The following DOCK1 variants were observed in gnomAD, a reference collection of about 807,000 sequenced individuals.
DOCK1 encodes the protein dedicator of cytokinesis 1, also known as dedicator of cytokinesis protein 1.
In DOCK1, 138 loss-of-function variants were observed where a neutral mutation model predicts 262.7. The observed-to-expected ratio is 0.53, with a 90% CI of 0.46 to 0.61. DOCK1 has a LOEUF of 0.61. Ranked by LOEUF, DOCK1 falls within the 20% of genes least tolerant of loss-of-function variation. DOCK1 has a pLI of 0.00. For missense variants in DOCK1, 1,908 were observed against 2,370.7 expected (o/e 0.80, Z 4.05); for synonymous variants, 866 against 867.4 (o/e 1.00, Z 0.03).
rs189763967 is a variant in DOCK1, at chr10:127,296,652, C to T, written c.3044+39223C>T. Among the ~76,000 whole-genome samples the T allele has an allele frequency of 9.8e-4, 150 of 152,336 alleles. 1 individual carries two copies. The highest frequency in any genetic ancestry group is 3.4e-3 in the African/African-American group (140 of 41,572). On this transcript the variant is annotated intron_variant, in intron 29 of 51. Coordinates refer to ENST00000623213, the MANE Select transcript of DOCK1 (RefSeq NM_001290223.2). ...AGTGTGTTTGCTTCTCTGTCTGCCT[C>T]AGGGCTGAGCTTCTAAACATACCTG...
At chr10:127,061,012 T>C (rs964936548) in intron 22 of DOCK1, among the ~76,000 whole-genome samples, 1 of 152,192 alleles carries the variant, frequency 6.6e-6, no homozygotes, top group Admixed American at 6.5e-5. Context: ...GTGGATCACC[T>C]TAGGTCAGGA....
intron 1 of DOCK1, among the ~76,000 whole-genome samples, chr10:126,917,292 A>G (rs1291796753): frequency 6.6e-6 from 1 of 152,130 alleles, no homozygotes; most frequent in Non-Finnish European, 1.5e-5. Flanking sequence ...TGGGTTTGGG[A>G]ACTTTGTGGG....
intron 43 of DOCK1, among the ~76,000 whole-genome samples, chr10:127,414,773 A>C (rs2068061352): frequency 6.6e-6 from 1 of 152,222 alleles, no homozygotes; most frequent in African/African-American, 2.4e-5. Context: ...GTTTCTTATG[A>C]ACACTGTAGC....
intron 27 of DOCK1, among the ~76,000 whole-genome samples, chr10:127,181,111 CT>C (rs2055690811): frequency 6.6e-6 from 1 of 152,086 alleles, no homozygotes; most frequent in African/African-American, 2.4e-5. Context: ...CAAAGGTCAT[CT>C]TTTATTGTTT....
intron 1 of DOCK1, among the ~76,000 whole-genome samples, chr10:126,929,291 C>T (rs1017447359): frequency 1.3e-5 from 2 of 152,186 alleles, no homozygotes; most frequent in African/African-American, 4.8e-5. Context: ...GGTGTGCTCA[C>T]CTGTAAACTG....
intron 1 of DOCK1, among the ~76,000 whole-genome samples, chr10:126,970,400 A>C (rs569162058): frequency 6.6e-6 from 1 of 152,216 alleles, no homozygotes; most frequent in African/African-American, 2.4e-5. Flanking sequence ...ATAAAAATCT[A>C]TTAGTGGAAA....
At chr10:127,277,217 A>G (rs936176629) in intron 29 of DOCK1, among the ~76,000 whole-genome samples, 5 of 150,678 alleles carry the variant, frequency 3.3e-5, no homozygotes, top group African/African-American at 1.2e-4. Flanking sequence ...GAAGCATTTT[A>G]TCCTATACAA....
Position 127,330,407 on chromosome 10 carries a change from A to AG in DOCK1, c.3045-8598dup, listed in dbSNP as rs1345190632. 1.1e-3 allele frequency among the ~76,000 whole-genome samples: 169 copies of AG among 149,056 alleles called. 2 individuals are homozygous for AG. The highest frequency in any genetic ancestry group is 4.2e-3 in the African/African-American group (162 of 38,646). On this transcript the variant is annotated intron_variant, in intron 29 of 51. Coordinates refer to ENST00000623213, the MANE Select transcript of DOCK1 (RefSeq NM_001290223.2). ...TCACACCGATTAGGATGGCTACATCAGAAAAAAAAAAAAACAGGGAAATAA... is the reference window on the plus strand; with the variant it reads ...TCACACCGATTAGGATGGCTACATCAGGAAAAAAAAAAAAACAGGGAAATAA...
chr10:127,287,880 C>T (rs1286387153), intron 29 of DOCK1, among the ~76,000 whole-genome samples: 1 of 152,144 alleles, frequency 6.6e-6, no homozygotes, highest in African/African-American at 2.4e-5. Flanking sequence ...TGATCATTGA[C>T]TAGACCCATT....
At chr10:126,946,776 A>T (rs1483558494) in intron 1 of DOCK1, among the ~76,000 whole-genome samples, 1 of 152,184 alleles carries the variant, frequency 6.6e-6, no homozygotes, top group Non-Finnish European at 1.5e-5. Context: ...ATTTCACTGT[A>T]TGCATTAGCC....
rs768714380 is a variant in DOCK1, at chr10:127,026,373, G to A, written c.1573G>A (p.Val525Ile). The stretch of plus-strand genomic sequence containing the variant: ...GAAGGTGGCCATTCCCATCGAGGAC[G>A]TTAACCGCAGTCACCTTCGGTTTAC... The part of the protein sequence containing the change: ...TVKVAIPIED[V>I]NRSHLRFTFR... Residue 525 changes from valine (V) to isoleucine (I), a missense_variant, in exon 16 of 52, where the codon GTT becomes ATT. By Grantham distance (29) the Val-to-Ile change is conservative (BLOSUM62 3). This residue lies in a region of DOCK1 where 294 missense variants were observed against 439.9 expected (regional missense o/e 0.67). Coordinates refer to ENST00000623213, the MANE Select transcript of DOCK1 (RefSeq NM_001290223.2). The A allele has an allele frequency of 6.4e-6, 10 of 1,572,982 alleles. No homozygotes were observed. The highest frequency in any genetic ancestry group is 2.3e-5 in the South Asian group (2 of 85,360).
In DOCK1 at chr10:127,175,697, C is replaced by A. The variant is rs201163273; in HGVS notation, c.2847+47933C>A. On this transcript the variant is annotated intron_variant, in intron 27 of 51. Coordinates refer to ENST00000623213, the MANE Select transcript of DOCK1 (RefSeq NM_001290223.2). This position sits in a 1 kb window ranked among gnomAD's most constrained non-coding sequence, Gnocchi z 6.3. ...GAGCGGGCTCCTCGGAGTTTGGCCT[C>A]CCCCGGTCCTGCTTGGCCCTCCCGA... 1 of 1,613,624 alleles carries A rather than the reference C, an allele frequency of 6.2e-7. No individual in the cohort carries two copies. Among genetic ancestry groups the A allele is most frequent in the African/African-American group, 1.3e-5 (1 of 74,904 alleles).
intron 27 of DOCK1, among the ~76,000 whole-genome samples, chr10:127,168,219 T>C (rs1174813379): frequency 6.6e-6 from 1 of 152,168 alleles, no homozygotes; most frequent in Non-Finnish European, 1.5e-5. Flanking sequence ...AAGAACCAAG[T>C]GCATGGGAGG....
At chr10:127,185,520 A>T (rs917419603) in intron 27 of DOCK1, among the ~76,000 whole-genome samples, 1 of 152,212 alleles carries the variant, frequency 6.6e-6, no homozygotes, top group African/African-American at 2.4e-5. Flanking sequence ...AACACTATAC[A>T]TCACAGTATC....
intron 29 of DOCK1, among the ~76,000 whole-genome samples, chr10:127,274,772 T>C (rs1432913016): frequency 6.6e-6 from 1 of 152,212 alleles, no homozygotes; most frequent in African/African-American, 2.4e-5. Flanking sequence ...CTCAACCCTG[T>C]TTATTTTTTT....
chr10:127,214,670 T>C (rs902838076), intron 27 of DOCK1, among the ~76,000 whole-genome samples: 1 of 152,168 alleles, frequency 6.6e-6, no homozygotes, highest in Non-Finnish European at 1.5e-5. Context: ...CAGGCACACC[T>C]GCGGGAGAGC....
At chr10:127,109,905 T>C (rs1472675552) in intron 24 of DOCK1, among the ~76,000 whole-genome samples, 2 of 152,216 alleles carry the variant, frequency 1.3e-5, no homozygotes, top group Admixed American at 1.3e-4. Context: ...GGTGACTATG[T>C]TTGACATTTT....
At chr10:126,923,854 C>G (rs1417989531) in intron 1 of DOCK1, among the ~76,000 whole-genome samples, 4 of 152,160 alleles carry the variant, frequency 2.6e-5, no homozygotes, top group Non-Finnish European at 5.9e-5. Context: ...CCCCGGAGAG[C>G]TTGTTCCTTC....
chr10:127,138,032 A>G (rs1467418363), intron 27 of DOCK1: 1 of 1,596,238 alleles, frequency 6.3e-7, no homozygotes. Flanking sequence ...TAGAAAAGAG[A>G]GAGAGTGAAG....
Sources: allele counts gnomAD v4.1 joint callset (sites outside exome capture counted in the v4.1 genomes callset), GRCh38; gene constraint gnomAD v4.1.1; regional missense constraint gnomAD v4.1.1; non-coding constraint Gnocchi (gnomAD v3.1); transcripts MANE v1.5; gene names NCBI Gene and HGNC (gene_info 2026-07-23, HGNC 2026-07-21).